PBX3: variants seen among roughly 807,000 people sequenced by gnomAD.
PBX3 encodes the protein pre-B-cell leukemia transcription factor 3.
Under a neutral mutation model 48.5 loss-of-function variants are expected in PBX3, and 14 were observed. The ratio of observed to expected loss-of-function variants is 0.29; its 90% CI spans 0.19 to 0.45. The LOEUF (loss-of-function observed/expected upper bound fraction) is 0.45. Ranked by LOEUF, PBX3 falls within the 20% of genes least tolerant of loss-of-function variation. The pLI, the probability that PBX3 is intolerant of heterozygous loss-of-function variation, is 1.00. For synonymous variants in PBX3, 210 were observed against 200.3 expected, an observed-to-expected ratio of 1.05 and a Z score of -0.41; for missense variants, 386 against 546.7, an observed-to-expected ratio of 0.71 and a Z score of 2.93.
intron 2 of PBX3, among the ~76,000 whole-genome samples, chr9:125,769,557 G>A (rs1370383854): frequency 2.0e-5 from 3 of 152,154 alleles, no homozygotes; most frequent in Admixed American, 1.3e-4. Flanking sequence ...AGAATATATC[G>A]TGAAGCCATT....
intron 1 of PBX3, 72 bp downstream of exon 1, chr9:125,747,725 G>T (rs1488248185): frequency 1.6e-6 from 2 of 1,224,352 alleles, no homozygotes; most frequent in East Asian, 3.2e-5. Context: ...CGAGGCCCGG[G>T]GTGGCGCCCG....
chr9:125,947,701 G>A (rs1312669412), intron 5 of PBX3, among the ~76,000 whole-genome samples: 2 of 152,024 alleles, frequency 1.3e-5, no homozygotes, highest in Non-Finnish European at 2.9e-5. Context: ...TCACATTAAA[G>A]TAAATGAATT....
chr9:125,748,058 C>T, intron 1 of PBX3: 1 of 178,622 alleles, frequency 5.6e-6, no homozygotes, highest in Non-Finnish European at 1.1e-5. Flanking sequence ...GCGATGCGGG[C>T]GGCCACCCGG....
intron 2 of PBX3, among the ~76,000 whole-genome samples, chr9:125,831,027 C>A (rs536254129): frequency 2.6e-5 from 4 of 152,170 alleles, no homozygotes; most frequent in Non-Finnish European, 5.9e-5. Context: ...TCCTGCCCCC[C>A]ACCTGTCCTT....
At chr9:125,944,847 CCAGTTTATTAGCT>C (rs1348106873) in intron 5 of PBX3, among the ~76,000 whole-genome samples, 1 of 152,112 alleles carries the variant, frequency 6.6e-6, no homozygotes, top group Non-Finnish European at 1.5e-5. Flanking sequence ...CAACTCCTCC[CCAGTTTATTAGCT>C]CAGTGACCTT....
intron 2 of PBX3, among the ~76,000 whole-genome samples, chr9:125,913,890 A>G (rs1385625155): frequency 6.6e-6 from 1 of 152,200 alleles, no homozygotes; most frequent in Non-Finnish European, 1.5e-5. Flanking sequence ...ACAAGAATAA[A>G]AAATTAAACA....
At chr9:125,860,971 C>G (rs1405880353) in intron 2 of PBX3, among the ~76,000 whole-genome samples, 1 of 150,088 alleles carries the variant, frequency 6.7e-6, no homozygotes, top group East Asian at 2.0e-4. Flanking sequence ...CCACTTTACA[C>G]TTACTAGGAT....
intron 4 of PBX3, among the ~76,000 whole-genome samples, chr9:125,933,875 A>G (rs1217624130): frequency 1.3e-5 from 2 of 152,150 alleles, no homozygotes; most frequent in Non-Finnish European, 2.9e-5. Context: ...TCTAGTCTAG[A>G]CATTACCCAT....
chr9:125,901,654 G>A (rs1177415314), intron 2 of PBX3, among the ~76,000 whole-genome samples: 2 of 151,700 alleles, frequency 1.3e-5, no homozygotes, highest in Non-Finnish European at 1.5e-5. Context: ...TGTGTGTCCT[G>A]TAGTTAATTG....
In PBX3 at chr9:125,811,402, CA is replaced by C. The variant is rs1002146581; in HGVS notation, c.274+62780del. ...AATCTCCATGTGTCAAGGGCAGGAC[CA>C]GGTGGAGATAATTGAATCATGGGGG... is the stretch of plus-strand genomic sequence containing the variant. On this transcript the variant is annotated intron_variant, in intron 2 of 8. Coordinates refer to ENST00000373489, the MANE Select transcript of PBX3 (RefSeq NM_006195.6). Among the ~76,000 whole-genome samples, 37 of 152,260 alleles carry C rather than the reference CA, an allele frequency of 2.4e-4. No individual in the cohort carries two copies. The South Asian group carries it at 3.5e-3, about 15-fold the overall frequency.
chr9:125,816,098 G>T (rs1189864792), intron 2 of PBX3, among the ~76,000 whole-genome samples: 1 of 152,030 alleles, frequency 6.6e-6, no homozygotes, highest in African/African-American at 2.4e-5. Context: ...CCGACTGCCC[G>T]GGCTCAGGTG....
chr9:125,863,152 C>A (rs895035091), intron 2 of PBX3, among the ~76,000 whole-genome samples: 3 of 151,574 alleles, frequency 2.0e-5, no homozygotes, highest in Non-Finnish European at 4.4e-5. Flanking sequence ...CTTGCTTCTG[C>A]CTCCCAAAGT....
At chr9:125,912,490 T>C (rs1162612363) in intron 2 of PBX3, among the ~76,000 whole-genome samples, 2 of 152,170 alleles carry the variant, frequency 1.3e-5, no homozygotes, top group Non-Finnish European at 2.9e-5. Flanking sequence ...GACAGCTAAT[T>C]AGGATTTGCT....
chr9:125,796,547 A>G (rs954188476), intron 2 of PBX3, among the ~76,000 whole-genome samples: 6 of 152,272 alleles, frequency 3.9e-5, no homozygotes, highest in Non-Finnish European at 7.4e-5. Flanking sequence ...TGGGTAGCCT[A>G]TGGCGAGGAA....
chr9:125,801,790 TACACAC>T (rs367989628), intron 2 of PBX3, among the ~76,000 whole-genome samples: 161 of 146,310 alleles, frequency 1.1e-3, no homozygotes, highest in South Asian at 4.1e-3. Flanking sequence ...TGTATACACA[TACACAC>T]ACACACACAC....
chr9:125,928,199 A>T (rs1476301644), intron 3 of PBX3, among the ~76,000 whole-genome samples: 2 of 151,988 alleles, frequency 1.3e-5, no homozygotes, highest in Non-Finnish European at 2.9e-5. Context: ...TCTACAAAAA[A>T]AAATAATAAT....
chr9:125,777,539 A>G (rs1447988644), intron 2 of PBX3, among the ~76,000 whole-genome samples: 3 of 139,622 alleles, frequency 2.1e-5, no homozygotes, highest in South Asian at 4.5e-4. Flanking sequence ...TTTTTTTTGT[A>G]TTTTAGTAGA....
intron 2 of PBX3, among the ~76,000 whole-genome samples, chr9:125,765,871 T>G (rs1031008522): frequency 2.0e-5 from 3 of 152,182 alleles, no homozygotes; most frequent in Non-Finnish European, 4.4e-5. Flanking sequence ...AGGAGTATTA[T>G]GATTGAATGG....
intron 5 of PBX3, chr9:125,949,310 A>G: frequency 6.5e-7 from 1 of 1,547,054 alleles, no homozygotes; most frequent in Non-Finnish European, 8.7e-7. Context: ...AGGGCCTGGC[A>G]TCTCAGGAAT....
Sources: allele counts gnomAD v4.1 joint callset (sites outside exome capture counted in the v4.1 genomes callset), GRCh38; gene constraint gnomAD v4.1.1; transcripts MANE v1.5; gene names NCBI Gene and HGNC (gene_info 2026-07-23, HGNC 2026-07-21).